OXR1: variants seen among roughly 807,000 people sequenced by gnomAD.
OXR1 encodes oxidation resistance 1.
OXR1 carries 41 observed loss-of-function variants against 104.6 expected under a neutral mutation model. The observed-to-expected ratio is 0.39, with a 90% CI of 0.31 to 0.51. The LOEUF is 0.51. Among genes scored for constraint, OXR1 ranks in the 20% least tolerant of loss-of-function variants. The probability of loss-of-function intolerance (pLI) is 0.77; values close to 1 mark genes in which losing one functional copy is unlikely to be tolerated. For synonymous variants in OXR1, 348 were observed against 348.4 expected (o/e 1.00, Z 0.01); for missense variants, 955 against 1,031.9 (o/e 0.93, Z 1.02).
rs567992975 is a variant in OXR1, at chr8:106,381,445, G to A, written c.23+21809G>A. On this transcript the variant is annotated intron_variant, in intron 2 of 16. Transcript: ENST00000517566. The stretch of plus-strand genomic sequence containing the variant: ...GGAATGGAAGGAAAGTGTGTGGGGA[G>A]GGACCAATCAATTGAACATAAAAGA... Among the ~76,000 whole-genome samples, 31 of 152,162 alleles carry A rather than the reference G, an allele frequency of 2.0e-4. No homozygotes were observed. In the South Asian group the frequency reaches 5.8e-3, roughly 29 times the overall value.
intron 3 of OXR1, among the ~76,000 whole-genome samples, chr8:106,532,037 C>T (rs185110604): frequency 1.3e-5 from 2 of 152,278 alleles, no homozygotes; most frequent in Admixed American, 1.3e-4. Context: ...CTTACTCATT[C>T]ATTTAAAAAT....
intron 2 of OXR1, among the ~76,000 whole-genome samples, chr8:106,497,805 T>TGC (rs1287261266): frequency 1.4e-5 from 2 of 144,198 alleles, no homozygotes; most frequent in Non-Finnish European, 3.0e-5. Flanking sequence ...TGTGTGTGTG[T>TGC]GCACACGCGT....
intron 3 of OXR1, among the ~76,000 whole-genome samples, chr8:106,600,529 A>G (rs868554992): frequency 9.8e-5 from 15 of 152,324 alleles, no homozygotes; most frequent in African/African-American, 3.6e-4. Context: ...TGATGGTAGT[A>G]TCTTTTGTGC....
intron 10 of OXR1, among the ~76,000 whole-genome samples, chr8:106,711,585 T>C (rs927634878): frequency 6.6e-6 from 1 of 152,174 alleles, no homozygotes; most frequent in Non-Finnish European, 1.5e-5. Context: ...CTGTGACTTT[T>C]GTAAAAACAG....
At chr8:106,275,794 C>T (rs186774675) in intron 1 of OXR1, among the ~76,000 whole-genome samples, 189 of 152,288 alleles carry the variant, frequency 1.2e-3, no homozygotes, top group Middle Eastern at 3.4e-3. Context: ...AACAAACACA[C>T]ACACACACAC....
At chr8:106,310,127 C>G (rs1409533035) in intron 1 of OXR1, among the ~76,000 whole-genome samples, 3 of 151,452 alleles carry the variant, frequency 2.0e-5, no homozygotes, top group Non-Finnish European at 4.4e-5. Context: ...AATATTAGTA[C>G]TCATATTATG....
intron 2 of OXR1, among the ~76,000 whole-genome samples, chr8:106,371,406 T>C (rs1297960692): frequency 2.0e-5 from 3 of 152,144 alleles, no homozygotes; most frequent in Admixed American, 2.0e-4. Context: ...CCTTCAAGTC[T>C]TCTCTTAGTT....
chr8:106,275,086 A>G (rs1304736527), intron 1 of OXR1, among the ~76,000 whole-genome samples: 1 of 152,230 alleles, frequency 6.6e-6, no homozygotes, highest in African/African-American at 2.4e-5. Context: ...TTTTCATTGA[A>G]TTTGGAGCAA....
intron 7 of OXR1, chr8:106,697,601 C>T: frequency 6.2e-7 from 1 of 1,612,496 alleles, no homozygotes; most frequent in South Asian, 1.1e-5. Flanking sequence ...TCATCCCAGG[C>T]TACTGCCAAC....
intron 1 of OXR1, among the ~76,000 whole-genome samples, chr8:106,310,552 T>G (rs951945959): frequency 4.6e-5 from 7 of 152,206 alleles, no homozygotes; most frequent in Non-Finnish European, 1.0e-4. Context: ...CTTCCTAATT[T>G]TAGTCAGGCA....
At chr8:106,316,931 C>G (rs997284511) in intron 1 of OXR1, among the ~76,000 whole-genome samples, 2 of 151,992 alleles carry the variant, frequency 1.3e-5, no homozygotes, top group East Asian at 3.9e-4. Flanking sequence ...AGTGCAGTGA[C>G]GCAATCTCGG....
At chr8:106,526,823 G>T (rs1012620094) in intron 3 of OXR1, among the ~76,000 whole-genome samples, 1 of 152,196 alleles carries the variant, frequency 6.6e-6, no homozygotes, top group East Asian at 1.9e-4. Context: ...GATTATAGGC[G>T]TGAGCCACCG....
At chr8:106,639,307 G>T (rs963247685) in intron 3 of OXR1, among the ~76,000 whole-genome samples, 3 of 152,156 alleles carry the variant, frequency 2.0e-5, no homozygotes, top group Non-Finnish European at 4.4e-5. Flanking sequence ...CCTACTGCAG[G>T]TGCTTCCATA....
intron 7 of OXR1, among the ~76,000 whole-genome samples, chr8:106,702,304 C>T (rs1244770827): frequency 6.6e-6 from 1 of 152,048 alleles, no homozygotes; most frequent in Non-Finnish European, 1.5e-5. Context: ...TATAGCTTTT[C>T]ATGGTGAGTT....
At chr8:106,484,598 C>A (rs1481579521) in intron 2 of OXR1, among the ~76,000 whole-genome samples, 1 of 151,792 alleles carries the variant, frequency 6.6e-6, no homozygotes, top group Non-Finnish European at 1.5e-5. Context: ...CAAGGAAATG[C>A]AAATTAAAAT....
At chr8:106,588,767 C>T (rs1818849247) in intron 3 of OXR1, among the ~76,000 whole-genome samples, 1 of 152,160 alleles carries the variant, frequency 6.6e-6, no homozygotes, top group African/African-American at 2.4e-5. Flanking sequence ...GTATGAGCCA[C>T]CGCGCCCAGC....
chr8:106,462,816 A>G (rs1033597365), intron 2 of OXR1, among the ~76,000 whole-genome samples: 3 of 152,098 alleles, frequency 2.0e-5, no homozygotes, highest in Admixed American at 2.0e-4. Flanking sequence ...AGAACAAATA[A>G]TGATCAACCC....
chr8:106,284,021 C>T (rs931578556), intron 1 of OXR1, among the ~76,000 whole-genome samples: 1 of 151,894 alleles, frequency 6.6e-6, no homozygotes, highest in Non-Finnish European at 1.5e-5. Context: ...ATGCACAGAA[C>T]ATTTTTCTAA....
chr8:106,336,548 T>C (rs1417816048), intron 1 of OXR1, among the ~76,000 whole-genome samples: 1 of 152,218 alleles, frequency 6.6e-6, no homozygotes, highest in Non-Finnish European at 1.5e-5. Context: ...AATATAGACT[T>C]GTGCCTACAT....
Sources: gnomAD v4.1 joint callset for allele counts (sites outside exome capture counted in the v4.1 genomes callset) on GRCh38, gnomAD v4.1.1 for gene constraint, MANE v1.5 for transcripts, NCBI Gene and HGNC (gene_info 2026-07-23, HGNC 2026-07-21) for gene names.